ACAP2: variants seen among roughly 807,000 people sequenced by gnomAD.
ACAP2 encodes arf-GAP with coiled-coil, ANK repeat and PH domain-containing protein 2.
In ACAP2, 39 loss-of-function variants were observed where a neutral mutation model predicts 115.8. The observed-to-expected ratio is 0.34, with a 90% CI of 0.26 to 0.44. The LOEUF (loss-of-function observed/expected upper bound fraction) is 0.44. ACAP2 is among the 20% of genes least tolerant of loss of function. The pLI is 1.00. For missense variants in ACAP2, 662 were observed against 927.6 expected, an observed-to-expected ratio of 0.71 and a Z score of 3.72; for synonymous variants, 289 against 315.8, an observed-to-expected ratio of 0.92 and a Z score of 0.90.
At chr3:195,306,091 G>T (rs187603533) in intron 13 of ACAP2, among the ~76,000 whole-genome samples, 197 of 152,194 alleles carry the variant, frequency 1.3e-3, no homozygotes, top group African/African-American at 4.4e-3. Flanking sequence ...GCCAGACTAT[G>T]ACCTAAGTTC....
chr3:195,385,572 A>G (rs1462994669), intron 2 of ACAP2, among the ~76,000 whole-genome samples: 1 of 151,932 alleles, frequency 6.6e-6, no homozygotes, highest in Non-Finnish European at 1.5e-5. Flanking sequence ...TTAAACTTCT[A>G]GATTAGCAGC....
intron 10 of ACAP2, among the ~76,000 whole-genome samples, chr3:195,313,753 T>G (rs1405348357): frequency 3.3e-5 from 5 of 152,214 alleles, no homozygotes; most frequent in Non-Finnish European, 7.3e-5. Flanking sequence ...GTTTTATTAG[T>G]TTTTCCAAGT....
At chr3:195,306,646 G>T in intron 12 of ACAP2, 30 bp from the exon 13 acceptor site, 2 of 1,548,948 alleles carry the variant, frequency 1.3e-6, no homozygotes, top group Non-Finnish European at 1.8e-6. Context: ...TGTTTTCTCA[G>T]ACACTAAGTT....
chr3:195,348,056 A>T (rs1352187926), intron 4 of ACAP2, among the ~76,000 whole-genome samples: 1 of 73,566 alleles, frequency 1.4e-5, no homozygotes, highest in Non-Finnish European at 2.5e-5. Flanking sequence ...GAAAACTTGT[A>T]AAAAAAAAAA....
intron 1 of ACAP2, among the ~76,000 whole-genome samples, chr3:195,432,513 T>C (rs76227867): frequency 0.021 from 3,249 of 152,344 alleles, 113 homozygotes; most frequent in East Asian, 0.1. Flanking sequence ...CAAGGCTTTG[T>C]TTCTGGACTC....
intron 4 of ACAP2, among the ~76,000 whole-genome samples, chr3:195,363,861 C>T (rs748114200): frequency 7.9e-5 from 12 of 152,088 alleles, no homozygotes; most frequent in Non-Finnish European, 1.8e-4. Context: ...GAACATGCAA[C>T]AGGGAAAGGG....
chr3:195,437,862 G>A (rs533925180), intron 1 of ACAP2, among the ~76,000 whole-genome samples: 1,961 of 130,754 alleles, frequency 0.015, 34 homozygotes, highest in Non-Finnish European at 0.021. Context: ...TTTTTAAAAT[G>A]AGGATAAGTC....
At chr3:195,438,014 A>C (rs1577485974) in intron 1 of ACAP2, among the ~76,000 whole-genome samples, 3 of 122,754 alleles carry the variant, frequency 2.4e-5, no homozygotes, top group Non-Finnish European at 3.3e-5. Context: ...ATTGCGCCCC[A>C]CCTGCAAGAA....
At chr3:195,428,763 G>A (rs911122611) in intron 1 of ACAP2, among the ~76,000 whole-genome samples, 1 of 152,074 alleles carries the variant, frequency 6.6e-6, no homozygotes, top group African/African-American at 2.4e-5. Flanking sequence ...CACACAATGG[G>A]TAATATCAAA....
chr3:195,405,994 C>A (rs929001729), intron 1 of ACAP2, among the ~76,000 whole-genome samples: 2 of 152,138 alleles, frequency 1.3e-5, no homozygotes, highest in African/African-American at 4.8e-5. Flanking sequence ...ATCACCCCCA[C>A]ACCAGGCTTA....
At chr3:195,288,746 G>A (rs752176182) in intron 21 of ACAP2, among the ~76,000 whole-genome samples, 42 of 151,972 alleles carry the variant, frequency 2.8e-4, no homozygotes, top group East Asian at 3.9e-4. Context: ...TAATCCCAGC[G>A]ACTAGGGAGG....
intron 4 of ACAP2, among the ~76,000 whole-genome samples, chr3:195,376,722 C>A (rs1356514720): frequency 6.6e-6 from 1 of 152,120 alleles, no homozygotes. Flanking sequence ...TATGTTTAAT[C>A]TTTACGTGGC....
chr3:195,288,950 C>T (rs1005099027), intron 21 of ACAP2, among the ~76,000 whole-genome samples, 171 bp downstream of exon 21: 7 of 152,080 alleles, frequency 4.6e-5, no homozygotes, highest in African/African-American at 1.7e-4. Flanking sequence ...ATTTAAAGTA[C>T]ATGGGAGGAG....
At chr3:195,326,856 A>C in intron 9 of ACAP2, 29 bp downstream of exon 9, 1 of 1,596,154 alleles carries the variant, frequency 6.3e-7, no homozygotes, top group Non-Finnish European at 8.6e-7. Context: ...ATAAAGTGGA[A>C]TTAATTTTTA....
chr3:195,392,746 T>C (rs1200954009), intron 1 of ACAP2, among the ~76,000 whole-genome samples: 2 of 152,148 alleles, frequency 1.3e-5, no homozygotes, highest in Non-Finnish European at 2.9e-5. Flanking sequence ...GAGAATACAA[T>C]TATAATAACA....
chr3:195,352,960 A>G (rs1350111916), intron 4 of ACAP2, among the ~76,000 whole-genome samples: 4 of 151,952 alleles, frequency 2.6e-5, no homozygotes, highest in Non-Finnish European at 4.4e-5. Context: ...GCACATCTGT[A>G]ATCCTAGCTA....
At chr3:195,330,014 A>G (rs993884324) in intron 8 of ACAP2, among the ~76,000 whole-genome samples, 6 of 152,036 alleles carry the variant, frequency 3.9e-5, no homozygotes, top group African/African-American at 1.4e-4. Flanking sequence ...ATTTTTTTAA[A>G]TAGCTCTATG....
intron 21 of ACAP2, among the ~76,000 whole-genome samples, 163 bp from the exon 22 acceptor site, chr3:195,286,020 A>G (rs1026163740): frequency 4.6e-5 from 7 of 152,244 alleles, no homozygotes; most frequent in Non-Finnish European, 8.8e-5. Context: ...AGGTACAAAG[A>G]TAAGTATCTC....
At chr3:195,308,365 TAGG>T (rs1228062100) in intron 11 of ACAP2, among the ~76,000 whole-genome samples, 3 of 148,094 alleles carry the variant, frequency 2.0e-5, no homozygotes, top group South Asian at 4.6e-4. Flanking sequence ...TCAAAACAGC[TAGG>T]AGAAGAGATT....
Sources: gnomAD v4.1 joint callset for allele counts (sites outside exome capture counted in the v4.1 genomes callset) on GRCh38, gnomAD v4.1.1 for gene constraint, MANE v1.5 for transcripts, NCBI Gene and HGNC (gene_info 2026-07-23, HGNC 2026-07-21) for gene names.